Variants in TRRAP observed in about 807,000 individuals in gnomAD.
TRRAP encodes the protein transformation/transcription domain associated protein.
Under a neutral mutation model 438.8 loss-of-function variants are expected in TRRAP, and 41 were observed. The observed-to-expected ratio is 0.09, with a 90% CI of 0.07 to 0.12. The LOEUF (loss-of-function observed/expected upper bound fraction) is 0.12. Ranked by LOEUF, TRRAP falls within the 10% of genes least tolerant of loss-of-function variation. The pLI is 1.00. For missense variants in TRRAP, 3,122 were observed against 5,055.1 expected, an observed-to-expected ratio of 0.62 and a Z score of 11.60; for synonymous variants, 1,994 against 1,962.9, an observed-to-expected ratio of 1.02 and a Z score of -0.42.
intron 62 of TRRAP, among the ~76,000 whole-genome samples, chr7:98,988,159 A>G (rs1412695194): frequency 6.6e-6 from 1 of 152,150 alleles, no homozygotes; most frequent in Non-Finnish European, 1.5e-5. Context: ...TTCCCTTGCT[A>G]TGTCTGGTAC....
chr7:98,906,560 G>A (rs1409693608), intron 13 of TRRAP, among the ~76,000 whole-genome samples: 1 of 152,026 alleles, frequency 6.6e-6, no homozygotes, highest in Non-Finnish European at 1.5e-5. Flanking sequence ...AGCTGCCCGA[G>A]TAGCTGGGAT....
chr7:98,967,708 C>T lies in TRRAP; in HGVS notation c.7512+10C>T. The T allele has an allele frequency of 6.2e-7, 1 of 1,611,106 alleles. No homozygotes were observed. Among genetic ancestry groups the T allele is most frequent in the Non-Finnish European group, 8.5e-7 (1 of 1,178,772 alleles). ...CAAGCAGTGCATTGAGGTAGGAAGACTCGGCTCACATCTGTGGCCGGGGGC... is the reference window on the plus strand; with the variant it reads ...CAAGCAGTGCATTGAGGTAGGAAGATTCGGCTCACATCTGTGGCCGGGGGC... On this transcript the variant is annotated intron_variant, in intron 51 of 72. Transcript: ENST00000456197.
intron 3 of TRRAP, among the ~76,000 whole-genome samples, chr7:98,885,174 C>T (rs1410876786): frequency 6.6e-6 from 1 of 151,904 alleles, no homozygotes; most frequent in Non-Finnish European, 1.5e-5. Context: ...AGTCACAGCT[C>T]ACTGCAGCCT....
intron 45 of TRRAP, 33 bp from the exon 46 acceptor site, chr7:98,961,228 T>C (rs374774592): frequency 2.1e-5 from 33 of 1,603,542 alleles, no homozygotes; most frequent in African/African-American, 2.7e-5. Flanking sequence ...AGTGTTTGTT[T>C]CCTCTGTGAG....
In TRRAP at chr7:98,933,316, G is replaced by C; in HGVS notation, c.3928G>C (p.Glu1310Gln). The change falls in exon 27 of 73, where the codon GAG (glutamate) becomes CAG (glutamine). Residue 1310 changes from glutamate (E) to glutamine (Q), a missense_variant. This residue lies in a region of TRRAP where 84 missense variants were observed against 119.8 expected (regional missense o/e 0.70). Transcript: ENST00000456197. ...TGCCAACGCACAGATTGGCCTGATG[G>C]AGGGGAACACGTTCTGTACCACGTT... ...QPANAQIGLM[E>Q]GNTFCTTLQP... 3 of 1,614,200 alleles carry C rather than the reference G, an allele frequency of 1.9e-6. No homozygotes were observed. The highest frequency in any genetic ancestry group is 2.5e-6 in the Non-Finnish European group (3 of 1,180,042).
rs201941677 is a variant in TRRAP at position 98,900,585 on chromosome 7, A to G, written c.801-39A>G. The G allele has an allele frequency of 9.1e-6, 14 of 1,540,994 alleles. No homozygotes were observed. The East Asian group carries it at 2.0e-4, about 22-fold the overall frequency. The stretch of plus-strand genomic sequence containing the variant: ...CTTTTAATTAATACTAACATCACTC[A>G]TAATTGAGAGGTAATATTTTTGTTC... On this transcript the variant is annotated intron_variant, in intron 10 of 72. Coordinates refer to ENST00000456197, the MANE Select transcript of TRRAP (RefSeq NM_001375524.1).
chr7:98,992,560 C>T (rs1034029676), intron 65 of TRRAP, among the ~76,000 whole-genome samples: 3 of 149,126 alleles, frequency 2.0e-5, no homozygotes, highest in South Asian at 2.1e-4. Context: ...TGCCAGCTGC[C>T]GTGTGTGTGT....
At chr7:99,010,904 C>T (rs1394949056) in intron 70 of TRRAP, 148 bp from the exon 71 acceptor site, 11 of 831,132 alleles carry the variant, frequency 1.3e-5, no homozygotes, top group Non-Finnish European at 2.1e-5. Flanking sequence ...CCTTCAGTCT[C>T]CTAACAATGC....
At chr7:98,993,402 C>G in intron 65 of TRRAP, 136 bp from the exon 66 acceptor site, 1 of 943,958 alleles carries the variant, frequency 1.1e-6, no homozygotes, top group South Asian at 1.6e-5. Context: ...CCACGCAGTC[C>G]TTGGGGAAGC....
chr7:99,002,542 A>G (rs547482812), intron 67 of TRRAP, among the ~76,000 whole-genome samples: 5 of 152,300 alleles, frequency 3.3e-5, no homozygotes, highest in South Asian at 2.1e-4. Flanking sequence ...AGAGGGAACA[A>G]TGAGGTGGCC....
At chr7:98,878,911 G>A (rs1554402561) in intron 1 of TRRAP, among the ~76,000 whole-genome samples, 1 of 152,150 alleles carries the variant, frequency 6.6e-6, no homozygotes, top group African/African-American at 2.4e-5. Flanking sequence ...ACGCGGTCAC[G>A]GAGCGCCCGG....
Position 98,935,667 on chromosome 7 carries a change from C to A in TRRAP, c.4103C>A (p.Ala1368Glu). The A allele has an allele frequency of 1.3e-6, 2 of 1,586,994 alleles. No homozygotes were observed. The highest frequency in any genetic ancestry group is 1.7e-6 in the Non-Finnish European group (2 of 1,159,364). The stretch of plus-strand genomic sequence containing the variant: ...CCGTCACTCGTACCTTTACGAATTG[C>A]GGCATTAAGTAAGTTAATGAAAATC... ...SLPSLVPLRI[A>E]ALNALAACNY... Residue 1368 changes from alanine (A) to glutamate (E), a missense_variant, in exon 28 of 73, where the codon GCG becomes GAG. Ala to Glu is a moderately radical substitution (Grantham distance 107). This residue lies in a region of TRRAP where 84 missense variants were observed against 119.8 expected (regional missense o/e 0.70). Coordinates refer to ENST00000456197, the MANE Select transcript of TRRAP (RefSeq NM_001375524.1).
intron 49 of TRRAP, among the ~76,000 whole-genome samples, chr7:98,966,100 A>AT (rs1450535282): frequency 6.6e-6 from 1 of 152,030 alleles, no homozygotes; most frequent in African/African-American, 2.4e-5. Context: ...AGGTCAGGAG[A>AT]TTGAGACCGT....
chr7:98,937,017 C>T (rs1790587353), intron 28 of TRRAP, 139 bp from the exon 29 acceptor site: 1 of 1,116,586 alleles, frequency 9.0e-7, no homozygotes, highest in South Asian at 1.7e-5. Flanking sequence ...CCCTTGAGGC[C>T]AGGAGTTAGA....
At chr7:98,989,671 C>A (rs573884796) in intron 63 of TRRAP, among the ~76,000 whole-genome samples, 1 of 152,396 alleles carries the variant, frequency 6.6e-6, no homozygotes. Flanking sequence ...ACACGCACTG[C>A]TTCAGTGCCT....
rs1554410581 is a variant in TRRAP, at chr7:98,921,738, C to T, written c.2623-15C>T. ...TACCTTAAGAGGACCTTAATGAAAG[C>T]ACGCTGATTTTCAGGCTCTGTGGCG... On this transcript the variant is annotated splice_polypyrimidine_tract_variant and intron_variant, in intron 20 of 72. Coordinates refer to ENST00000456197, the MANE Select transcript of TRRAP (RefSeq NM_001375524.1). 1 of 1,613,732 alleles carries T rather than the reference C, an allele frequency of 6.2e-7. No individual in the cohort carries two copies. The highest frequency in any genetic ancestry group is 8.5e-7 in the Non-Finnish European group (1 of 1,179,930).
chr7:98,999,419 T>G, intron 67 of TRRAP: 1 of 1,084,946 alleles, frequency 9.2e-7, no homozygotes, highest in Non-Finnish European at 1.4e-6. Flanking sequence ...ATCCAGCAGC[T>G]CCTCCAAAAT....
intron 39 of TRRAP, 53 bp downstream of exon 39, chr7:98,951,057 A>ATGTGTGTG (rs1162734325): frequency 7.6e-6 from 5 of 662,144 alleles, no homozygotes; most frequent in Non-Finnish European, 1.1e-5. Flanking sequence ...GTGGATGAAC[A>ATGTGTGTG]TCTGTGTGTG....
chr7:98,915,274 C>T (rs1317751120), intron 18 of TRRAP, among the ~76,000 whole-genome samples: 1 of 152,022 alleles, frequency 6.6e-6, no homozygotes, highest in African/African-American at 2.4e-5. Context: ...CTCACTGCAA[C>T]CTCTGCCTCC....
Sources: gnomAD v4.1 joint callset for allele counts (sites outside exome capture counted in the v4.1 genomes callset) on GRCh38, gnomAD v4.1.1 for gene constraint, gnomAD v4.1.1 regional missense constraint, MANE v1.5 for transcripts, NCBI Gene and HGNC (gene_info 2026-07-23, HGNC 2026-07-21) for gene names.